The following CCDC15 variants were observed in gnomAD, a reference collection of about 807,000 sequenced individuals.
The protein encoded by CCDC15 is coiled-coil domain-containing protein 15.
A neutral mutation model predicts 114.5 loss-of-function variants in CCDC15; 105 were observed. The observed-to-expected ratio is 0.92, with a 90% CI of 0.78 to 1.08. The LOEUF is 1.08. Among genes scored for constraint, CCDC15 ranks in the 50% least tolerant of loss-of-function variants. The probability of loss-of-function intolerance (pLI) is 0.00; values close to 1 mark genes in which losing one functional copy is unlikely to be tolerated. For missense variants in CCDC15, 1,105 were observed against 1,093.6 expected, an observed-to-expected ratio of 1.01 and a Z score of -0.15; for synonymous variants, 334 against 377.8, an observed-to-expected ratio of 0.88 and a Z score of 1.34.
At chr11:124,980,345 T>C (rs1948049402) in intron 6 of CCDC15, among the ~76,000 whole-genome samples, 2 of 152,238 alleles carry the variant, frequency 1.3e-5, no homozygotes, top group Non-Finnish European at 2.9e-5. Context: ...GTAGAAATGA[T>C]ACCAGTTCTT....
chr11:125,021,658 T>A (rs1948661215), intron 13 of CCDC15, among the ~76,000 whole-genome samples: 1 of 151,520 alleles, frequency 6.6e-6, no homozygotes, highest in Non-Finnish European at 1.5e-5. Context: ...TACTCACTCT[T>A]GAGATGTTTG....
At chr11:125,039,839 G>A (rs1046441040) in intron 15 of CCDC15, among the ~76,000 whole-genome samples, 4 of 152,090 alleles carry the variant, frequency 2.6e-5, no homozygotes, top group Non-Finnish European at 5.9e-5. Flanking sequence ...TATCAAAGTT[G>A]CTATTCCCAG....
intron 15 of CCDC15, among the ~76,000 whole-genome samples, chr11:125,039,878 A>T (rs569477554): frequency 5.9e-5 from 9 of 152,094 alleles, no homozygotes; most frequent in African/African-American, 2.2e-4. Context: ...CTCCTTTTGC[A>T]CCTCACACTC....
intron 6 of CCDC15, 94 bp from the exon 7 acceptor site, chr11:124,986,648 C>T: frequency 7.7e-7 from 1 of 1,298,238 alleles, no homozygotes. Context: ...TTGTTTCTTC[C>T]TATAATAGCT....
chr11:124,984,092 C>T (rs948265045), intron 6 of CCDC15, among the ~76,000 whole-genome samples: 6 of 151,712 alleles, frequency 4.0e-5, no homozygotes, highest in East Asian at 1.9e-4. Context: ...AGGCAGGGTG[C>T]GCTCACATTG....
chr11:124,985,501 C>T (rs1948143003), intron 6 of CCDC15, among the ~76,000 whole-genome samples: 1 of 152,126 alleles, frequency 6.6e-6, no homozygotes, highest in African/African-American at 2.4e-5. Flanking sequence ...TTGTCCTTCT[C>T]TTCTGTTATA....
rs574033874 is a variant in CCDC15, at chr11:125,025,716, T to C, written c.2412-12715T>C. ...AAATTAATTGACATATTTATTAATG[T>C]CATATTTATTGATGTTAAGAACTTT... On this transcript the variant is annotated intron_variant, in intron 13 of 15. Transcript: ENST00000344762. Among the ~76,000 whole-genome samples, 5 of 152,224 alleles carry C rather than the reference T, an allele frequency of 3.3e-5. No individual in the cohort carries two copies. The East Asian group carries it at 9.6e-4, about 29-fold the overall frequency.
chr11:124,989,526 C>T (rs10750292), intron 8 of CCDC15, among the ~76,000 whole-genome samples: 3 of 151,916 alleles, frequency 2.0e-5, no homozygotes, highest in Admixed American at 6.6e-5. Context: ...AACTTTGAAG[C>T]CAGACATTGA....
At chr11:125,010,496 G>A (rs553287797) in intron 13 of CCDC15, among the ~76,000 whole-genome samples, 1 of 151,972 alleles carries the variant, frequency 6.6e-6, no homozygotes, top group South Asian at 2.1e-4. Context: ...GAGTAGCTGG[G>A]ACTACAGGCA....
At chr11:124,960,135 CTT>C (rs57279788) in intron 4 of CCDC15, 132 bp downstream of exon 4, 81,663 of 426,838 alleles carry the variant, frequency 0.19, 4,457 homozygotes, top group African/African-American at 0.34. Context: ...AATCATCCCC[CTT>C]TTTTTTTTTT....
At chr11:125,011,245 A>ATTTTTTTTTTTT (rs774447198) in intron 13 of CCDC15, among the ~76,000 whole-genome samples, 1 of 146,440 alleles carries the variant, frequency 6.8e-6, no homozygotes, top group African/African-American at 2.5e-5. Context: ...TATTATTATT[A>ATTTTTTTTTTTT]TTATTTTTTA....
At chr11:124,965,636 C>T (rs1049587435) in intron 4 of CCDC15, among the ~76,000 whole-genome samples, 10 of 151,988 alleles carry the variant, frequency 6.6e-5, no homozygotes, top group African/African-American at 1.9e-4. Flanking sequence ...GTGTCTCTAT[C>T]TCCTTCAGTT....
At chr11:124,997,618 A>G (rs1948395979) in intron 11 of CCDC15, among the ~76,000 whole-genome samples, 1 of 152,094 alleles carries the variant, frequency 6.6e-6, no homozygotes, top group Admixed American at 6.5e-5. Flanking sequence ...TCGTTGTTAT[A>G]AGCAAAATAT....
Position 124,959,910 on chromosome 11 carries a change from T to C in CCDC15, c.423T>C (p.Ile141=), listed in dbSNP as rs1947628480. 1 of 1,590,108 alleles carries C rather than the reference T, an allele frequency of 6.3e-7. No homozygotes were observed. Among genetic ancestry groups the C allele is most frequent in the African/African-American group, 1.3e-5 (1 of 74,654 alleles). Residue 141 remains isoleucine (I), a synonymous_variant, in exon 4 of 16, where the codon ATT becomes ATC. Coordinates refer to ENST00000344762, the MANE Select transcript of CCDC15 (RefSeq NM_025004.3). ...TTCCAAACAATTTGAATGTTGCTATTGGAAGTTCTAGGTTACCTCCTTCCC... is the reference window on the plus strand; with the variant it reads ...TTCCAAACAATTTGAATGTTGCTATCGGAAGTTCTAGGTTACCTCCTTCCC... ...SVFPNNLNVA[I]GSSRLPPSLM... is the part of the protein sequence containing the mutation.
intron 8 of CCDC15, among the ~76,000 whole-genome samples, chr11:124,988,499 T>C (rs1214067901): frequency 6.6e-6 from 1 of 152,246 alleles, no homozygotes; most frequent in Non-Finnish European, 1.5e-5. Context: ...ATCTGCTGAC[T>C]AATCAGGGTG....
At chr11:124,967,252 C>T (rs567163830) in intron 4 of CCDC15, among the ~76,000 whole-genome samples, 15 of 152,236 alleles carry the variant, frequency 9.9e-5, no homozygotes, top group Non-Finnish European at 1.8e-4. Flanking sequence ...GTTCCATTCT[C>T]GCTGTCACTT....
chr11:125,025,075 A>AATATATATATGAATATATATGAAT lies in CCDC15; in HGVS notation c.2412-13348_2412-13347insATGAATATATATGAATATATATAT, dbSNP rs1349055565. ...ATATGAATATATATATGAATATATG[A>AATATATATATGAATATATATGAAT]ATATATATGAATATATATATGAATA... On this transcript the variant is annotated intron_variant, in intron 13 of 15. Transcript: ENST00000344762. Among the ~76,000 whole-genome samples the AATATATATATGAATATATATGAAT allele has an allele frequency of 1.4e-3, 80 of 57,528 alleles. 2 individuals are homozygous for AATATATATATGAATATATATGAAT. The highest frequency in any genetic ancestry group is 4.1e-3 in the African/African-American group (62 of 15,068). The allele number at this position is 57,528 out of a possible 152,430, so 37.7% of individuals were successfully genotyped here.
At chr11:125,040,121 C>G (rs1020482925) in intron 15 of CCDC15, among the ~76,000 whole-genome samples, 2 of 152,016 alleles carry the variant, frequency 1.3e-5, no homozygotes, top group Non-Finnish European at 2.9e-5. Context: ...TCTCGGCTCA[C>G]TGCAACCTCT....
chr11:124,992,778 T>A, intron 10 of CCDC15, 91 bp downstream of exon 10: 1 of 714,656 alleles, frequency 1.4e-6, no homozygotes. Flanking sequence ...CCTGTCAAGC[T>A]AGCTTGTTTG....
Sources: gnomAD v4.1 joint callset for allele counts (sites outside exome capture counted in the v4.1 genomes callset) on GRCh38, gnomAD v4.1.1 for gene constraint, MANE v1.5 for transcripts, NCBI Gene and HGNC (gene_info 2026-07-23, HGNC 2026-07-21) for gene names.